PLD1: variants seen among roughly 807,000 people sequenced by gnomAD.
PLD1 encodes phospholipase D1.
PLD1 carries 112 observed loss-of-function variants against 137.1 expected under a neutral mutation model. That is an observed-to-expected ratio of 0.82 (90% CI 0.70 to 0.96). The LOEUF (loss-of-function observed/expected upper bound fraction) is 0.96. Ranked by LOEUF, PLD1 falls within the 40% of genes least tolerant of loss-of-function variation. The pLI is 0.00. For synonymous variants in PLD1, 431 were observed against 454.7 expected (o/e 0.95, Z 0.66); for missense variants, 1,321 against 1,342.0 (o/e 0.98, Z 0.24).
At chr3:171,725,918 G>T in intron 7 of PLD1, 100 bp downstream of exon 7, 2 of 795,966 alleles carry the variant, frequency 2.5e-6, no homozygotes, top group Non-Finnish European at 4.5e-6. Context: ...GAAGCTAGCA[G>T]TAAAGCCAGG....
At position 171,602,579 on chromosome 3, in the gene PLD1, C is replaced by T. The variant is rs1025358269; in HGVS notation, c.*499G>A. On this transcript the variant is annotated 3_prime_UTR_variant, in exon 27 of 27. Coordinates refer to ENST00000351298, the MANE Select transcript of PLD1 (RefSeq NM_002662.5). ...TACTTCAGGACCAGATGAGCAGGGG[C>T]ATCCCATGTAACCATGAAGAATCTT... 1 of 167,294 alleles carries T rather than the reference C, an allele frequency of 6.0e-6. No homozygotes were observed. The highest frequency in any genetic ancestry group is 5.5e-5 in the Admixed American group (1 of 18,096). The allele number at this position is 167,294 out of a possible 1,614,324, so 10.4% of individuals were successfully genotyped here.
At chr3:171,800,355 T>G (rs552503371) in intron 1 of PLD1, among the ~76,000 whole-genome samples, 1 of 152,018 alleles carries the variant, frequency 6.6e-6, no homozygotes, top group Non-Finnish European at 1.5e-5. Context: ...ATTACAGGTG[T>G]GCACCACCAC....
intron 15 of PLD1, 120 bp from the exon 16 acceptor site, chr3:171,686,918 G>A (rs1714624014): frequency 1.9e-6 from 1 of 537,662 alleles, no homozygotes; most frequent in Non-Finnish European, 3.3e-6. Flanking sequence ...AAGATTCTGT[G>A]CAACAGAAAA....
chr3:171,689,374 T>C (rs1475012277), intron 13 of PLD1, among the ~76,000 whole-genome samples: 1 of 152,254 alleles, frequency 6.6e-6, no homozygotes, highest in African/African-American at 2.4e-5. Context: ...CTTGAGAAGT[T>C]AGTAACCTCT....
chr3:171,647,529 A>C (rs1320011751), intron 21 of PLD1, among the ~76,000 whole-genome samples: 1 of 151,730 alleles, frequency 6.6e-6, no homozygotes, highest in Admixed American at 6.6e-5. Flanking sequence ...GGCTCACTGC[A>C]ACCTCCGCCT....
chr3:171,773,289 C>A (rs1250020711), intron 1 of PLD1, among the ~76,000 whole-genome samples: 1 of 152,140 alleles, frequency 6.6e-6, no homozygotes, highest in African/African-American at 2.4e-5. Context: ...TGAGCCCAAG[C>A]TGTACTACTA....
chr3:171,621,830 C>T (rs1733662826), intron 23 of PLD1, among the ~76,000 whole-genome samples: 1 of 152,114 alleles, frequency 6.6e-6, no homozygotes. Context: ...TTTTCTGATC[C>T]ATTTCCTTTT....
At chr3:171,784,608 C>A (rs1474983979) in intron 1 of PLD1, among the ~76,000 whole-genome samples, 3 of 152,182 alleles carry the variant, frequency 2.0e-5, no homozygotes, top group African/African-American at 4.8e-5. Flanking sequence ...CATCTCTGAG[C>A]TTTTCCTCTT....
At chr3:171,696,448 C>G (rs1195001270) in intron 12 of PLD1, among the ~76,000 whole-genome samples, 1 of 152,126 alleles carries the variant, frequency 6.6e-6, no homozygotes, top group Non-Finnish European at 1.5e-5. Context: ...TCTTAAGAAA[C>G]AGCCATCATA....
intron 19 of PLD1, among the ~76,000 whole-genome samples, chr3:171,664,492 CT>C (rs1293266675): frequency 6.9e-6 from 1 of 145,862 alleles, no homozygotes; most frequent in Non-Finnish European, 1.5e-5. Context: ...GAGTCTTGTT[CT>C]GTTGCCCAGG....
At chr3:171,633,105 G>A (rs1176011449) in intron 23 of PLD1, among the ~76,000 whole-genome samples, 4 of 152,154 alleles carry the variant, frequency 2.6e-5, no homozygotes, top group Non-Finnish European at 4.4e-5. Context: ...CCTGTCAAAT[G>A]CTATGGGGAC....
At chr3:171,690,866 C>T (rs143916757) in intron 13 of PLD1, among the ~76,000 whole-genome samples, 10 of 152,208 alleles carry the variant, frequency 6.6e-5, no homozygotes, top group African/African-American at 2.4e-4. Flanking sequence ...ACGTTCAAGT[C>T]CTCTGTTTTC....
intron 1 of PLD1, chr3:171,792,932 G>A (rs1477754802): frequency 3.1e-6 from 1 of 321,716 alleles, no homozygotes; most frequent in East Asian, 9.0e-5. Flanking sequence ...GACTCCCCAA[G>A]GAAGTGGGGC....
intron 1 of PLD1, among the ~76,000 whole-genome samples, chr3:171,782,295 G>T (rs1560300824): frequency 6.6e-6 from 1 of 152,206 alleles, no homozygotes; most frequent in Non-Finnish European, 1.5e-5. Context: ...TGTGGCGATG[G>T]TCATGTTCTG....
chr3:171,646,433 G>A (rs1271026800), intron 21 of PLD1, among the ~76,000 whole-genome samples: 7 of 152,178 alleles, frequency 4.6e-5, no homozygotes, highest in African/African-American at 1.7e-4. Context: ...AGTGGAAAGA[G>A]AAGTTCAGGG....
intron 19 of PLD1, among the ~76,000 whole-genome samples, chr3:171,670,212 T>C (rs1159775628): frequency 6.6e-6 from 1 of 152,170 alleles, no homozygotes; most frequent in Non-Finnish European, 1.5e-5. Context: ...TAGTATTCAA[T>C]AGCAGAGCAG....
chr3:171,650,450 C>G (rs929193899), intron 21 of PLD1, among the ~76,000 whole-genome samples: 5 of 152,130 alleles, frequency 3.3e-5, no homozygotes, highest in African/African-American at 1.2e-4. Context: ...GATGCCAGAA[C>G]AGGCCGGAGG....
chr3:171,678,048 C>T (rs1713570991), intron 16 of PLD1, among the ~76,000 whole-genome samples: 1 of 149,776 alleles, frequency 6.7e-6, no homozygotes, highest in African/African-American at 2.4e-5. Flanking sequence ...AGCAGTAAAG[C>T]TGGTGGGGGG....
At chr3:171,613,085 G>A (rs926492548) in intron 24 of PLD1, among the ~76,000 whole-genome samples, 29 of 151,956 alleles carry the variant, frequency 1.9e-4, no homozygotes, top group African/African-American at 5.3e-4. Context: ...CAGGAGGATC[G>A]CCTGAGCCTA....
Sources: gnomAD v4.1 joint callset for allele counts (sites outside exome capture counted in the v4.1 genomes callset) on GRCh38, gnomAD v4.1.1 for gene constraint, MANE v1.5 for transcripts, NCBI Gene and HGNC (gene_info 2026-07-23, HGNC 2026-07-21) for gene names.